PDE1C: variants seen among roughly 807,000 people sequenced by gnomAD.
PDE1C encodes dual specificity calcium/calmodulin-dependent 3',5'-cyclic nucleotide phosphodiesterase 1C.
In PDE1C, 62 loss-of-function variants were observed where a neutral mutation model predicts 93.1. The ratio of observed to expected loss-of-function variants is 0.67; its 90% CI spans 0.54 to 0.82. PDE1C has a LOEUF of 0.82. Ranked by LOEUF, PDE1C falls within the 40% of genes least tolerant of loss-of-function variation. The probability of loss-of-function intolerance (pLI) is 0.00; values close to 1 mark genes in which losing one functional copy is unlikely to be tolerated. For missense variants in PDE1C, 742 were observed against 884.6 expected (o/e 0.84, Z 2.04); for synonymous variants, 325 against 310.1 (o/e 1.05, Z -0.50).
chr7:32,061,865 C>T lies in PDE1C; in HGVS notation c.101+8428G>A, dbSNP rs562648387. ...TACATAAATTTTTGGTCTTCTGAAACCTTCCTTCAGACTATTTAGGGGTCA... is the reference window on the plus strand; with the variant it reads ...TACATAAATTTTTGGTCTTCTGAAATCTTCCTTCAGACTATTTAGGGGTCA... On this transcript the variant is annotated intron_variant, in intron 1 of 17. Transcript: ENST00000396191. 4.6e-5 allele frequency among the ~76,000 whole-genome samples: 7 copies of T among 152,260 alleles called. No individual in the cohort carries two copies. In the East Asian group the frequency reaches 1.3e-3, roughly 29 times the overall value.
At chr7:32,004,636 G>A (rs779991076) in intron 2 of PDE1C, among the ~76,000 whole-genome samples, 1 of 152,128 alleles carries the variant, frequency 6.6e-6, no homozygotes, top group Non-Finnish European at 1.5e-5. Context: ...TTTAGAGCAG[G>A]GATGTAGGAA....
chr7:31,700,912 A>T, the PDE1C span, among the ~76,000 whole-genome samples: 1 of 152,116 alleles, frequency 6.6e-6, no homozygotes, highest in Admixed American at 6.6e-5. Flanking sequence ...CCAAAAAAAG[A>T]CCCTTTTCAA....
chr7:32,410,141 C>T (rs1312803146), intron 1 of PDE1C, among the ~76,000 whole-genome samples: 1 of 152,124 alleles, frequency 6.6e-6, no homozygotes, highest in East Asian at 1.9e-4. Flanking sequence ...CAGTAAGACA[C>T]AGCAGTACAA....
chr7:32,310,968 C>G (rs985897371), intron 1 of PDE1C, among the ~76,000 whole-genome samples: 2 of 152,006 alleles, frequency 1.3e-5, no homozygotes, highest in African/African-American at 4.8e-5. Context: ...CCAGGAGCTG[C>G]TTTTTTGAAA....
the PDE1C span, among the ~76,000 whole-genome samples, chr7:31,741,547 T>C: frequency 1.3e-5 from 2 of 152,218 alleles, no homozygotes; most frequent in Non-Finnish European, 2.9e-5. Flanking sequence ...TTGTATCTTA[T>C]TTTTCACTTT....
chr7:31,943,802 T>C (rs534353421), intron 2 of PDE1C, among the ~76,000 whole-genome samples: 3 of 152,152 alleles, frequency 2.0e-5, no homozygotes, highest in Admixed American at 6.5e-5. Context: ...CAAAACCAAT[T>C]AGAGGAATTT....
At chr7:32,097,591 C>T (rs1797818988) in intron 3 of PDE1C, among the ~76,000 whole-genome samples, 1 of 152,170 alleles carries the variant, frequency 6.6e-6, no homozygotes, top group African/African-American at 2.4e-5. Flanking sequence ...AGAGAAAATG[C>T]TCTAAGCCAC....
chr7:32,307,008 C>G (rs561428929), intron 1 of PDE1C, among the ~76,000 whole-genome samples: 1 of 152,210 alleles, frequency 6.6e-6, no homozygotes, highest in East Asian at 1.9e-4. Flanking sequence ...CTTTGACATG[C>G]TCTATCAACT....
intron 2 of PDE1C, among the ~76,000 whole-genome samples, chr7:31,929,775 C>T (rs750451008): frequency 9.2e-5 from 14 of 152,168 alleles, no homozygotes; most frequent in South Asian, 4.1e-4. Context: ...CTCTGGCACA[C>T]GGCTAAAGCA....
chr7:31,758,317 T>TA (rs891753740), intron 17 of PDE1C, among the ~76,000 whole-genome samples: 1 of 79,206 alleles, frequency 1.3e-5, no homozygotes, highest in African/African-American at 5.4e-5. Context: ...TAAAAAAAAT[T>TA]AAAAAAAAAT....
At chr7:31,631,950 G>T in the PDE1C span, among the ~76,000 whole-genome samples, 6 of 152,096 alleles carry the variant, frequency 3.9e-5, no homozygotes, top group Admixed American at 1.3e-4. Flanking sequence ...TGATGACGCC[G>T]GCCGACCAGT....
At chr7:32,298,460 G>A (rs893373190) in intron 1 of PDE1C, among the ~76,000 whole-genome samples, 10 of 151,930 alleles carry the variant, frequency 6.6e-5, no homozygotes, top group Admixed American at 1.3e-4. Context: ...GAGGGGTGCC[G>A]GGGGGGACAG....
intron 2 of PDE1C, among the ~76,000 whole-genome samples, chr7:32,192,990 T>C (rs1296162578): frequency 6.6e-6 from 1 of 152,180 alleles, no homozygotes; most frequent in East Asian, 1.9e-4. Flanking sequence ...TGATTTTGTA[T>C]GTTTATCTTA....
chr7:32,236,226 C>T (rs983582362), intron 1 of PDE1C, among the ~76,000 whole-genome samples: 1 of 152,042 alleles, frequency 6.6e-6, no homozygotes, highest in East Asian at 1.9e-4. Flanking sequence ...AGACATACCA[C>T]ATTCATGTAT....
intron 1 of PDE1C, among the ~76,000 whole-genome samples, chr7:32,420,216 TATATAC>T (rs1349395213): frequency 2.5e-5 from 1 of 40,628 alleles, no homozygotes; most frequent in African/African-American, 6.7e-5. Context: ...TATATATGTA[TATATAC>T]ATATATATGT....
At chr7:32,309,401 C>T (rs74609155) in intron 1 of PDE1C, among the ~76,000 whole-genome samples, 11,523 of 152,168 alleles carry the variant, frequency 0.076, 507 homozygotes, top group East Asian at 0.13. Flanking sequence ...ACAGAGAAAG[C>T]CACAAAGATA....
the PDE1C span, chr7:31,708,033 G>A: frequency 2.0e-5 from 3 of 152,152 alleles, no homozygotes; most frequent in Non-Finnish European, 4.4e-5. Context: ...CATTATCAAT[G>A]GTAGATAAAA....
At chr7:32,277,552 A>T (rs1024799890) in intron 1 of PDE1C, among the ~76,000 whole-genome samples, 1 of 152,248 alleles carries the variant, frequency 6.6e-6, no homozygotes, top group South Asian at 2.1e-4. Context: ...TCATAGTCTA[A>T]TACTAGAACC....
the PDE1C span, among the ~76,000 whole-genome samples, chr7:31,687,472 G>A: frequency 6.6e-6 from 1 of 152,210 alleles, no homozygotes; most frequent in African/African-American, 2.4e-5. Context: ...CCACTTTCAA[G>A]TCATTCTTCC....
Sources: gnomAD v4.1 joint callset for allele counts (sites outside exome capture counted in the v4.1 genomes callset) on GRCh38, gnomAD v4.1.1 for gene constraint, MANE v1.5 for transcripts, NCBI Gene and HGNC (gene_info 2026-07-23, HGNC 2026-07-21) for gene names.